NRXN1: variants seen among roughly 807,000 people sequenced by gnomAD.
The protein encoded by NRXN1 is neurexin-1.
In NRXN1, 39 loss-of-function variants were observed where a neutral mutation model predicts 150.9. That is an observed-to-expected ratio of 0.26 (90% confidence interval 0.20 to 0.34). NRXN1 has a LOEUF of 0.34. NRXN1 is among the 10% of genes least tolerant of loss of function. The probability of loss-of-function intolerance (pLI) is 1.00; values close to 1 mark genes in which losing one functional copy is unlikely to be tolerated. For synonymous variants in NRXN1, 924 were observed against 757.0 expected (o/e 1.22, Z -3.62); for missense variants, 1,815 against 1,949.9 (o/e 0.93, Z 1.30).
chr2:50,692,100 C>G (rs1391208685), intron 5 of NRXN1, among the ~76,000 whole-genome samples: 1 of 151,216 alleles, frequency 6.6e-6, no homozygotes, highest in Non-Finnish European at 1.5e-5. Context: ...CTATCTAATC[C>G]TTGCTAATTT....
chr2:50,484,561 GATAGGC>G (rs2090726686), intron 15 of NRXN1, among the ~76,000 whole-genome samples: 1 of 152,158 alleles, frequency 6.6e-6, no homozygotes, highest in East Asian at 1.9e-4. Context: ...ATGACTGATT[GATAGGC>G]CAACCCCCAA....
chr2:50,246,786 C>T (rs999968962), intron 17 of NRXN1, among the ~76,000 whole-genome samples: 4 of 152,016 alleles, frequency 2.6e-5, no homozygotes, highest in Non-Finnish European at 5.9e-5. Flanking sequence ...GGTTAATTCT[C>T]GCCTTTCAAC....
At chr2:50,628,515 C>A (rs956683328) in intron 5 of NRXN1, among the ~76,000 whole-genome samples, 2 of 151,574 alleles carry the variant, frequency 1.3e-5, no homozygotes, top group Non-Finnish European at 3.0e-5. Flanking sequence ...ACAAAAATCA[C>A]TTTTTCACAA....
chr2:50,900,678 C>G (rs1026692780), intron 5 of NRXN1, among the ~76,000 whole-genome samples: 1 of 151,994 alleles, frequency 6.6e-6, no homozygotes, highest in East Asian at 1.9e-4. Context: ...TGTGGAGGAG[C>G]CTGTAATTGA....
chr2:50,677,126 T>C (rs899706883), intron 5 of NRXN1, among the ~76,000 whole-genome samples: 3 of 152,182 alleles, frequency 2.0e-5, no homozygotes, highest in African/African-American at 4.8e-5. Flanking sequence ...CAGTCTTTAC[T>C]CTTTTGAAAC....
intron 5 of NRXN1, among the ~76,000 whole-genome samples, chr2:50,774,621 T>G (rs549020518): frequency 6.6e-6 from 1 of 152,280 alleles, no homozygotes; most frequent in African/African-American, 2.4e-5. Flanking sequence ...AATAATCAAT[T>G]GACTAGACTA....
At chr2:50,644,344 T>C (rs1222737772) in intron 5 of NRXN1, among the ~76,000 whole-genome samples, 1 of 151,842 alleles carries the variant, frequency 6.6e-6, no homozygotes, top group Non-Finnish European at 1.5e-5. Flanking sequence ...AGATAGCTTG[T>C]TTCCACCAGA....
chr2:50,237,043 A>C lies in NRXN1; in HGVS notation c.3365-73T>G. 4 of 1,385,986 alleles carry C rather than the reference A, an allele frequency of 2.9e-6. No individual in the cohort carries two copies. The South Asian group carries it at 4.6e-5, about 16-fold the overall frequency. The allele number at this position is 1,385,986 out of a possible 1,614,324, so 85.9% of individuals were successfully genotyped here. ...CACATTAGCAAGGCATGTTATATTGATATATCAGTAAAGTATCAACTCTAC... is the reference window on the plus strand; with the variant it reads ...CACATTAGCAAGGCATGTTATATTGCTATATCAGTAAAGTATCAACTCTAC... On this transcript the variant is annotated intron_variant, in intron 17 of 22. Coordinates refer to ENST00000401669, the MANE Select transcript of NRXN1 (RefSeq NM_001330078.2).
chr2:50,502,110 C>T (rs902389092), intron 13 of NRXN1, among the ~76,000 whole-genome samples: 1 of 151,866 alleles, frequency 6.6e-6, no homozygotes, highest in Non-Finnish European at 1.5e-5. Context: ...ATTTGGAAGC[C>T]TTTTATGTAC....
chr2:50,164,280 G>A (rs532381624), intron 18 of NRXN1, among the ~76,000 whole-genome samples: 1 of 152,256 alleles, frequency 6.6e-6, no homozygotes, highest in South Asian at 2.1e-4. Context: ...GACACTCTCT[G>A]CTCCCCAAGT....
At chr2:50,282,978 CTT>C (rs934198897) in intron 17 of NRXN1, among the ~76,000 whole-genome samples, 1 of 152,110 alleles carries the variant, frequency 6.6e-6, no homozygotes, top group Non-Finnish European at 1.5e-5. Flanking sequence ...TGCTTAAACT[CTT>C]TGAGTCATGA....
At chr2:50,904,425 C>G (rs1171581389) in intron 5 of NRXN1, among the ~76,000 whole-genome samples, 1 of 152,042 alleles carries the variant, frequency 6.6e-6, no homozygotes, top group African/African-American at 2.4e-5. Context: ...TATCCAAGTT[C>G]ATATTTGGGA....
intron 17 of NRXN1, among the ~76,000 whole-genome samples, chr2:50,278,233 A>ATATATTATATATATGTAT (rs1553368149): frequency 4.0e-5 from 2 of 49,852 alleles, no homozygotes; most frequent in South Asian, 9.8e-4. Flanking sequence ...TGGCTTTTAT[A>ATATATTATATATATGTAT]TATATATAAT....
chr2:50,417,357 G>A (rs901862308), intron 17 of NRXN1: 2 of 152,040 alleles, frequency 1.3e-5, no homozygotes, highest in African/African-American at 4.8e-5. Context: ...AGAATAAAAG[G>A]GGCAGCAGAG....
At chr2:50,610,752 A>ATT (rs902315695) in intron 8 of NRXN1, among the ~76,000 whole-genome samples, 2 of 125,996 alleles carry the variant, frequency 1.6e-5, no homozygotes, top group African/African-American at 6.7e-5. Flanking sequence ...TTGTAATTAT[A>ATT]TTTATATATA....
chr2:50,999,241 C>G (rs1699721802), intron 2 of NRXN1, among the ~76,000 whole-genome samples: 1 of 152,036 alleles, frequency 6.6e-6, no homozygotes, highest in African/African-American at 2.4e-5. Context: ...TTGTGGCCCA[C>G]TGTAGTGACT....
intron 21 of NRXN1, among the ~76,000 whole-genome samples, chr2:50,036,718 A>G (rs1374851242): frequency 6.6e-6 from 1 of 152,182 alleles, no homozygotes; most frequent in African/African-American, 2.4e-5. Context: ...GTGTGGCAAA[A>G]GCAATGTAAC....
At chr2:50,294,496 TAA>T (rs1255797586) in intron 17 of NRXN1, among the ~76,000 whole-genome samples, 1 of 152,212 alleles carries the variant, frequency 6.6e-6, no homozygotes, top group Non-Finnish European at 1.5e-5. Context: ...TACTATATGC[TAA>T]GAACTGAAGA....
At chr2:50,970,101 C>A (rs1286724342) in intron 2 of NRXN1, among the ~76,000 whole-genome samples, 1 of 152,038 alleles carries the variant, frequency 6.6e-6, no homozygotes, top group Non-Finnish European at 1.5e-5. Context: ...TACAGTCAAA[C>A]AAGGTATATC....
Sources: allele counts gnomAD v4.1 joint callset (sites outside exome capture counted in the v4.1 genomes callset), GRCh38; gene constraint gnomAD v4.1.1; transcripts MANE v1.5; gene names NCBI Gene and HGNC (gene_info 2026-07-23, HGNC 2026-07-21).